ZNF442: variants seen among roughly 807,000 people sequenced by gnomAD.
ZNF442 encodes zinc finger protein 442.
In ZNF442, 45 loss-of-function variants were observed where a neutral mutation model predicts 57.0. That is an observed-to-expected ratio of 0.79 (90% CI 0.62 to 1.01). ZNF442 has a LOEUF of 1.01. Ranked by LOEUF, ZNF442 falls within the 50% of genes least tolerant of loss-of-function variation. The probability of loss-of-function intolerance (pLI) is 0.00; values close to 1 mark genes in which losing one functional copy is unlikely to be tolerated. For synonymous variants in ZNF442, 213 were observed against 241.8 expected (o/e 0.88, Z 1.10); for missense variants, 690 against 756.5 (o/e 0.91, Z 1.03).
At chr19:12,371,869 C>A in the ZNF442 span, among the ~76,000 whole-genome samples, 1 of 152,152 alleles carries the variant, frequency 6.6e-6, no homozygotes, top group African/African-American at 2.4e-5. Flanking sequence ...GCAATACCAT[C>A]CTGTACACAG....
intron 4 of ZNF442, 96 bp from the exon 5 acceptor site, chr19:12,352,166 CACTGA>C: frequency 8.6e-7 from 1 of 1,166,438 alleles, no homozygotes; most frequent in Non-Finnish European, 1.2e-6. Context: ...ATGATTCATT[CACTGA>C]ATTGTAGCTG....
chr19:12,352,924 A>G (rs968168133), intron 4 of ZNF442, 64 bp downstream of exon 4: 1 of 1,566,660 alleles, frequency 6.4e-7, no homozygotes, highest in Non-Finnish European at 8.6e-7. Context: ...ATCATTCAAC[A>G]GCATTGATGA....
chr19:12,368,435 T>C (rs1405482793), upstream of ZNF442, among the ~76,000 whole-genome samples: 1 of 152,224 alleles, frequency 6.6e-6, no homozygotes, highest in Non-Finnish European at 1.5e-5. Flanking sequence ...TAAATGTCCA[T>C]GAAATCGTCA....
the ZNF442 span, among the ~76,000 whole-genome samples, chr19:12,372,170 G>T: frequency 6.6e-6 from 1 of 152,106 alleles, no homozygotes; most frequent in Admixed American, 6.5e-5. Context: ...AGACATACAT[G>T]CAGAGGCCGG....
At chr19:12,360,829 A>G (rs1311602840) in intron 3 of ZNF442, among the ~76,000 whole-genome samples, 1 of 152,156 alleles carries the variant, frequency 6.6e-6, no homozygotes, top group South Asian at 2.1e-4. Flanking sequence ...GCAGTAAGCC[A>G]AGATTGTGCC....
chr19:12,364,407 C>CAA (rs35227073), intron 2 of ZNF442, among the ~76,000 whole-genome samples: 16 of 93,136 alleles, frequency 1.7e-4, no homozygotes, highest in Non-Finnish European at 2.7e-4. Context: ...AACTCCATCT[C>CAA]AAAAAAAAAA....
chr19:12,350,308 G>A lies in ZNF442; in HGVS notation c.1277C>T (p.Thr426Ile), dbSNP rs1293156752. ...YPSVFQGHERTHTGEKPYECK... is the reference protein window; with the variant it reads ...YPSVFQGHERIHTGEKPYECK... ...TTCATAGGGTTTCTCACCAGTATGAGTCCTTTCATGTCCTTGAAATACACT... is the reference window on the plus strand; with the variant it reads ...TTCATAGGGTTTCTCACCAGTATGAATCCTTTCATGTCCTTGAAATACACT... Residue 426 changes from threonine (T) to isoleucine (I), a missense_variant, in exon 6 of 6, where the codon ACT (threonine) becomes ATT (isoleucine). By Grantham distance (89) the Thr-to-Ile change is moderately conservative (BLOSUM62 -1). Coordinates refer to ENST00000242804, the MANE Select transcript of ZNF442 (RefSeq NM_030824.3). The A allele has an allele frequency of 3.1e-6, 5 of 1,613,772 alleles. No individual in the cohort carries two copies. Among genetic ancestry groups the A allele is most frequent in the Non-Finnish European group, 4.2e-6 (5 of 1,180,008 alleles).
chr19:12,362,435 G>A lies in ZNF442; in HGVS notation c.78+1119C>T, dbSNP rs994344184. ...CCACCCCGTCTGGGAGGTAAGGAGC[G>A]TCTCTGCCCGGCCGCCCCGTCTGTG... On this transcript the variant is annotated intron_variant, in intron 3 of 5. Coordinates refer to ENST00000242804, the MANE Select transcript of ZNF442 (RefSeq NM_030824.3). Among the ~76,000 whole-genome samples, 8 of 149,206 alleles carry A rather than the reference G, an allele frequency of 5.4e-5. No individual in the cohort carries two copies. The South Asian group carries it at 8.6e-4, about 16-fold the overall frequency.
chr19:12,373,346 C>T, the ZNF442 span, among the ~76,000 whole-genome samples: 1 of 152,146 alleles, frequency 6.6e-6, no homozygotes, highest in Non-Finnish European at 1.5e-5. Context: ...TGGAGACCAG[C>T]CTGGGCAACA....
the ZNF442 span, chr19:12,373,764 C>T: frequency 5.3e-6 from 1 of 189,224 alleles, no homozygotes; most frequent in Non-Finnish European, 1.2e-5. Flanking sequence ...TCCAAAGCAC[C>T]TACCCAATGA....
chr19:12,352,890 C>A, intron 4 of ZNF442, 98 bp downstream of exon 4: 1 of 1,444,300 alleles, frequency 6.9e-7, no homozygotes, highest in South Asian at 1.3e-5. Context: ...GAAGGGTCAA[C>A]TATATCCCCT....
At chr19:12,359,022 C>G (rs189270964) in intron 3 of ZNF442, among the ~76,000 whole-genome samples, 19 of 152,292 alleles carry the variant, frequency 1.2e-4, no homozygotes, top group African/African-American at 4.1e-4. Flanking sequence ...TCAAGAATAG[C>G]CAAAAAGAGA....
chr19:12,371,456 G>T, the ZNF442 span, among the ~76,000 whole-genome samples: 2 of 152,170 alleles, frequency 1.3e-5, no homozygotes, highest in Admixed American at 6.5e-5. Flanking sequence ...TGAAAACAGG[G>T]TGCAGTGGGT....
upstream of ZNF442, chr19:12,365,770 C>CA (rs1343100622): frequency 5.7e-6 from 1 of 176,262 alleles, no homozygotes; most frequent in East Asian, 1.4e-4. Context: ...TTCCGCCCCC[C>CA]CAGGGAACTG....
upstream of ZNF442, among the ~76,000 whole-genome samples, chr19:12,370,089 C>T (rs1969568718): frequency 6.6e-6 from 1 of 151,774 alleles, no homozygotes; most frequent in East Asian, 1.9e-4. Flanking sequence ...GATTCAAGTA[C>T]ATTACATTGA....
chr19:12,354,750 G>T (rs1969297737), intron 3 of ZNF442, among the ~76,000 whole-genome samples: 1 of 152,070 alleles, frequency 6.6e-6, no homozygotes, highest in African/African-American at 2.4e-5. Context: ...CATTTATGAT[G>T]ATTCATTTCA....
chr19:12,370,124 T>G (rs1170473822), upstream of ZNF442, among the ~76,000 whole-genome samples: 1 of 151,676 alleles, frequency 6.6e-6, no homozygotes, highest in East Asian at 1.9e-4. Context: ...ATTATTACAT[T>G]GTAATATATA....
At chr19:12,372,383 T>C in the ZNF442 span, among the ~76,000 whole-genome samples, 8 of 151,602 alleles carry the variant, frequency 5.3e-5, no homozygotes, top group South Asian at 2.1e-4. Flanking sequence ...CGCTTGAACC[T>C]AGGAGGTGGA....
At chr19:12,368,946 C>T (rs933020349), upstream of ZNF442, among the ~76,000 whole-genome samples, 4 of 152,196 alleles carry the variant, frequency 2.6e-5, no homozygotes, top group Admixed American at 6.5e-5. Flanking sequence ...ATGCTCTCTC[C>T]TTCAAGACTT....
Sources: gnomAD v4.1 joint callset for allele counts (sites outside exome capture counted in the v4.1 genomes callset) on GRCh38, gnomAD v4.1.1 for gene constraint, MANE v1.5 for transcripts, NCBI Gene and HGNC (gene_info 2026-07-23, HGNC 2026-07-21) for gene names.